Variants in NAA35 observed in about 807,000 individuals in gnomAD.
The protein encoded by NAA35 is N-alpha-acetyltransferase 35, NatC auxiliary subunit, also known as MAK10 homolog, amino-acid N-acetyltransferase subunit.
NAA35 carries 18 observed loss-of-function variants against 101.7 expected under a neutral mutation model. The observed-to-expected ratio is 0.18, with a 90% confidence interval of 0.12 to 0.26. The LOEUF (loss-of-function observed/expected upper bound fraction) is 0.26, where lower values mean the gene tolerates loss of function less well. NAA35 is among the 10% of genes least tolerant of loss of function. NAA35 has a pLI of 1.00. For missense variants in NAA35, 601 were observed against 886.8 expected (o/e 0.68, Z 4.09); for synonymous variants, 267 against 273.1 (o/e 0.98, Z 0.22).
chr9:86,023,893 C>T lies in NAA35; in HGVS notation c.*1933C>T, dbSNP rs1308414498. On this transcript the variant is annotated 3_prime_UTR_variant, in exon 23 of 23. Transcript: ENST00000361671. ...AGAGAGGAGGTTTCACTATGTTGCCCAAACTGACCCAAACTTGTGGGCTCA... is the reference window on the plus strand; with the variant it reads ...AGAGAGGAGGTTTCACTATGTTGCCTAAACTGACCCAAACTTGTGGGCTCA... 2.0e-5 allele frequency among the ~76,000 whole-genome samples: 3 copies of T among 152,166 alleles called. No homozygotes were observed. The highest frequency in any genetic ancestry group is 1.3e-4 in the Admixed American group (2 of 15,282).
At chr9:85,987,569 T>G (rs758765626) in intron 11 of NAA35, among the ~76,000 whole-genome samples, 1 of 152,212 alleles carries the variant, frequency 6.6e-6, no homozygotes, top group Admixed American at 6.5e-5. Flanking sequence ...TTTAAAAAAG[T>G]CCGTGCATAC....
At chr9:85,982,266 A>G (rs1170591585) in intron 11 of NAA35, among the ~76,000 whole-genome samples, 1 of 152,140 alleles carries the variant, frequency 6.6e-6, no homozygotes, top group Non-Finnish European at 1.5e-5. Flanking sequence ...GAGGGAGCAG[A>G]TGGTATTTAC....
At chr9:86,011,864 CTT>C (rs1344285161) in intron 15 of NAA35, among the ~76,000 whole-genome samples, 3 of 140,484 alleles carry the variant, frequency 2.1e-5, no homozygotes, top group Admixed American at 1.5e-4. Flanking sequence ...AACTTTTAAA[CTT>C]ATTTAAATAT....
chr9:85,953,513 G>A (rs1427328697), intron 2 of NAA35, among the ~76,000 whole-genome samples: 1 of 152,076 alleles, frequency 6.6e-6, no homozygotes, highest in Admixed American at 6.5e-5. Flanking sequence ...TGCAACCTCT[G>A]CCTCCTGGTT....
intron 22 of NAA35, among the ~76,000 whole-genome samples, chr9:86,021,442 G>T (rs1832549862): frequency 6.6e-6 from 1 of 152,156 alleles, no homozygotes; most frequent in African/African-American, 2.4e-5. Flanking sequence ...AGCCGCGGAG[G>T]CACCGTGGGG....
At chr9:85,979,565 A>G (rs1830349136) in intron 11 of NAA35, among the ~76,000 whole-genome samples, 1 of 152,162 alleles carries the variant, frequency 6.6e-6, no homozygotes, top group South Asian at 2.1e-4. Flanking sequence ...TTTTGAATAA[A>G]TTTTGCTTCT....
intron 17 of NAA35, chr9:86,015,792 C>T (rs1832180289): frequency 1.0e-6 from 1 of 979,858 alleles, no homozygotes; most frequent in Non-Finnish European, 1.2e-6. Context: ...GTTAGATAAA[C>T]AGAAGGTAGA....
At chr9:86,009,777 T>C (rs1277056180) in intron 14 of NAA35, 88 bp from the exon 15 acceptor site, 1 of 906,046 alleles carries the variant, frequency 1.1e-6, no homozygotes, top group Non-Finnish European at 1.8e-6. Context: ...TTTATTCACC[T>C]TCTCTGTCAT....
intron 17 of NAA35, among the ~76,000 whole-genome samples, chr9:86,014,896 A>G (rs955549157): frequency 1.3e-5 from 2 of 152,170 alleles, no homozygotes; most frequent in African/African-American, 4.8e-5. Context: ...TTTGGATACT[A>G]CATTTTGTTA....
intron 12 of NAA35, among the ~76,000 whole-genome samples, chr9:85,998,244 A>G (rs966818617): frequency 1.3e-5 from 2 of 152,158 alleles, no homozygotes; most frequent in African/African-American, 4.8e-5. Flanking sequence ...ACATGTAAAA[A>G]TGGGATCATG....
At chr9:85,968,958 A>C (rs562660525) in intron 6 of NAA35, among the ~76,000 whole-genome samples, 11 of 152,226 alleles carry the variant, frequency 7.2e-5, no homozygotes, top group Admixed American at 1.3e-4. Context: ...TTTTCTATGT[A>C]CTTCTCCCCA....
intron 12 of NAA35, among the ~76,000 whole-genome samples, chr9:86,003,356 A>G (rs1259747743): frequency 6.6e-6 from 1 of 152,180 alleles, no homozygotes; most frequent in African/African-American, 2.4e-5. Flanking sequence ...TATCCACACA[A>G]TTCTATGATT....
At chr9:85,954,909 G>GTTGTT (rs557702042) in intron 2 of NAA35, among the ~76,000 whole-genome samples, 141 of 152,180 alleles carry the variant, frequency 9.3e-4, no homozygotes, top group African/African-American at 2.8e-3. Flanking sequence ...GCTATGTTTT[G>GTTGTT]TTGTTTTGTT....
intron 21 of NAA35, 54 bp from the exon 22 acceptor site, chr9:86,020,835 G>A (rs1010114780): frequency 6.6e-6 from 9 of 1,364,134 alleles, no homozygotes; most frequent in Non-Finnish European, 9.3e-6. Flanking sequence ...AAAAGAAAAA[G>A]AGAAATTTTG....
chr9:85,971,090 C>A (rs999150477), intron 6 of NAA35, among the ~76,000 whole-genome samples: 1 of 152,214 alleles, frequency 6.6e-6, no homozygotes, highest in African/African-American at 2.4e-5. Flanking sequence ...GCTTTACATT[C>A]ATTTGAAAAC....
rs558668794 is a variant in NAA35 at position 86,023,297 on chromosome 9, C to G, written c.*1337C>G. 3.3e-5 allele frequency among the ~76,000 whole-genome samples: 5 copies of G among 152,114 alleles called. No homozygotes were observed. The South Asian group carries it at 1.0e-3, about 32-fold the overall frequency. ...AATAGAAACTTCAATTATGGAGAGA[C>G]AAAGAGTATACCTGTTACTGATGTA... On this transcript the variant is annotated 3_prime_UTR_variant, in exon 23 of 23. Coordinates refer to ENST00000361671, the MANE Select transcript of NAA35 (RefSeq NM_024635.4).
At position 86,022,707 on chromosome 9, in the gene NAA35, C is replaced by T. The variant is rs1371181641; in HGVS notation, c.*747C>T. On this transcript the variant is annotated 3_prime_UTR_variant, in exon 23 of 23. Coordinates refer to ENST00000361671, the MANE Select transcript of NAA35 (RefSeq NM_024635.4). ...TTGTTTACTTCATATTCAGTTTAAC[C>T]CATGAAACATTTTCAAATGGGTGTC... Among the ~76,000 whole-genome samples, 2 of 152,078 alleles carry T rather than the reference C, an allele frequency of 1.3e-5. No individual in the cohort carries two copies. The highest frequency in any genetic ancestry group is 2.4e-5 in the African/African-American group (1 of 41,410).
chr9:85,979,022 C>A (rs1331934848), intron 11 of NAA35, among the ~76,000 whole-genome samples: 1 of 152,152 alleles, frequency 6.6e-6, no homozygotes, highest in Non-Finnish European at 1.5e-5. Flanking sequence ...TTTTTAATCA[C>A]CTCTCCTCTT....
intron 10 of NAA35, among the ~76,000 whole-genome samples, chr9:85,977,918 A>C (rs1258073784): frequency 6.6e-6 from 1 of 151,928 alleles, no homozygotes; most frequent in Non-Finnish European, 1.5e-5. Flanking sequence ...TAATTTCTGT[A>C]ATTCTATTTC....
Sources: allele counts gnomAD v4.1 joint callset (sites outside exome capture counted in the v4.1 genomes callset), GRCh38; gene constraint gnomAD v4.1.1; transcripts MANE v1.5; gene names NCBI Gene and HGNC (gene_info 2026-07-23, HGNC 2026-07-21).